Variants in ANXA8 observed in about 807,000 individuals in gnomAD.
ANXA8 encodes annexin A8, also known as VAC-beta.
In ANXA8, 9 loss-of-function variants were observed where a neutral mutation model predicts 26.8. That is an observed-to-expected ratio of 0.34 (90% CI 0.20 to 0.59). The LOEUF is 0.59. Ranked by LOEUF, ANXA8 falls within the 20% of genes least tolerant of loss-of-function variation. The pLI, the probability that ANXA8 is intolerant of heterozygous loss-of-function variation, is 0.84. For missense variants in ANXA8, 83 were observed against 238.5 expected, an observed-to-expected ratio of 0.35 and a Z score of 4.29; for synonymous variants, 39 against 94.8, an observed-to-expected ratio of 0.41 and a Z score of 3.42.
chr10:47,563,786 G>A, the ANXA8 span: 1 of 732,806 alleles, frequency 1.4e-6, no homozygotes, highest in South Asian at 1.5e-5. Flanking sequence ...TATCGGAACT[G>A]ATTTTTTTTT....
the ANXA8 span, among the ~76,000 whole-genome samples, chr10:47,657,997 T>C: frequency 6.6e-6 from 1 of 151,822 alleles, no homozygotes; most frequent in Non-Finnish European, 1.5e-5. Context: ...CATAGAATGC[T>C]TAATGGTTTA....
the ANXA8 span, among the ~76,000 whole-genome samples, chr10:47,768,614 G>C: frequency 6.6e-6 from 1 of 151,260 alleles, no homozygotes; most frequent in East Asian, 1.9e-4. Context: ...TGGGGAGGGG[G>C]GTGTGCTCGG....
the ANXA8 span, among the ~76,000 whole-genome samples, chr10:47,530,417 G>A: frequency 6.7e-6 from 1 of 149,528 alleles, no homozygotes; most frequent in East Asian, 2.0e-4. Flanking sequence ...GCCAGGCGCG[G>A]TGGCTCACGC....
At chr10:47,493,347 C>A in the ANXA8 span, among the ~76,000 whole-genome samples, 103 of 148,220 alleles carry the variant, frequency 6.9e-4, no homozygotes, top group East Asian at 0.016. Context: ...GGGCATTGGG[C>A]TGGCACTGCA....
chr10:47,988,794 G>A, the ANXA8 span, among the ~76,000 whole-genome samples: 1 of 151,728 alleles, frequency 6.6e-6, no homozygotes, highest in Non-Finnish European at 1.5e-5. Flanking sequence ...CAGGCTCGCT[G>A]GCTACTAGGC....
At chr10:47,526,146 G>T in the ANXA8 span, among the ~76,000 whole-genome samples, 2 of 117,656 alleles carry the variant, frequency 1.7e-5, no homozygotes, top group African/African-American at 3.4e-5. Context: ...TCACTCTGTT[G>T]CCCAGGTAGT....
the ANXA8 span, chr10:47,691,271 T>A: frequency 1.5e-5 from 19 of 1,260,694 alleles, no homozygotes; most frequent in East Asian, 3.7e-4. Context: ...TTTATAAAGC[T>A]AAGTTTTGTT....
chr10:47,950,674 A>G, the ANXA8 span, among the ~76,000 whole-genome samples: 1 of 150,750 alleles, frequency 6.6e-6, no homozygotes, highest in African/African-American at 2.5e-5. Flanking sequence ...TAATAGCAGA[A>G]GGATATCTAG....
the ANXA8 span, chr10:47,753,202 T>C: frequency 1.1e-6 from 1 of 923,810 alleles, no homozygotes; most frequent in Admixed American, 6.8e-5. Context: ...AAACAACGTG[T>C]TGACGTGCAG....
chr10:47,553,008 TTATA>T, the ANXA8 span, among the ~76,000 whole-genome samples: 6 of 151,922 alleles, frequency 3.9e-5, no homozygotes, highest in Non-Finnish European at 5.9e-5. Context: ...CAGAAAGTCT[TTATA>T]TATCACCATA....
the ANXA8 span, among the ~76,000 whole-genome samples, chr10:47,733,207 T>TTTTC: frequency 1.1e-5 from 1 of 89,992 alleles, no homozygotes; most frequent in African/African-American, 4.0e-5. Context: ...CTTTCTTTCT[T>TTTTC]TCTTTCTTTC....
At chr10:47,554,113 A>ATAAATAAAT in the ANXA8 span, among the ~76,000 whole-genome samples, 1 of 141,816 alleles carries the variant, frequency 7.1e-6, no homozygotes, top group Admixed American at 7.0e-5. Flanking sequence ...CTCTCAAAAA[A>ATAAATAAAT]TAAATAAATA....
At chr10:47,698,899 C>T in the ANXA8 span, among the ~76,000 whole-genome samples, 1 of 151,394 alleles carries the variant, frequency 6.6e-6, no homozygotes, top group African/African-American at 2.4e-5. Context: ...AATACTATAT[C>T]AATAAAATAG....
chr10:47,902,336 ACTGT>A, the ANXA8 span, among the ~76,000 whole-genome samples: 1 of 126,044 alleles, frequency 7.9e-6, no homozygotes, highest in Non-Finnish European at 1.7e-5. Context: ...AAGCAAATAA[ACTGT>A]CTAATCAGTT....
chr10:47,565,146 A>C, the ANXA8 span: 1 of 744,866 alleles, frequency 1.3e-6, no homozygotes, highest in Admixed American at 1.8e-5. Context: ...CTGCTGGAGG[A>C]CCAGAGCAGC....
chr10:47,627,600 C>A, the ANXA8 span, among the ~76,000 whole-genome samples: 3 of 150,024 alleles, frequency 2.0e-5, no homozygotes, highest in African/African-American at 7.6e-5. Flanking sequence ...ACTCTTGTAA[C>A]AGTCTTGTAA....
the ANXA8 span, among the ~76,000 whole-genome samples, chr10:47,603,287 A>G: frequency 1.3e-5 from 2 of 149,276 alleles, no homozygotes; most frequent in East Asian, 3.9e-4. Context: ...TATACGGCCA[A>G]TATTACCAAC....
the ANXA8 span, among the ~76,000 whole-genome samples, chr10:47,557,003 CTTTTT>C: frequency 2.2e-3 from 244 of 113,328 alleles, no homozygotes; most frequent in African/African-American, 7.7e-3. Flanking sequence ...TATTTTCTTT[CTTTTT>C]TTTTTTTTTT....
At chr10:47,494,911 C>T in the ANXA8 span, among the ~76,000 whole-genome samples, 2 of 152,184 alleles carry the variant, frequency 1.3e-5, no homozygotes, top group Non-Finnish European at 2.9e-5. Flanking sequence ...GAGCTGTTAT[C>T]TCCCTGGGTC....
Sources: allele counts gnomAD v4.1 joint callset (sites outside exome capture counted in the v4.1 genomes callset), GRCh38; gene constraint gnomAD v4.1.1; transcripts MANE v1.5; gene names NCBI Gene and HGNC (gene_info 2026-07-23, HGNC 2026-07-21).